Variants in GRM7 observed in about 807,000 individuals in gnomAD.
The protein encoded by GRM7 is glutamate metabotropic receptor 7.
In GRM7, 35 loss-of-function variants were observed where a neutral mutation model predicts 84.5. That is an observed-to-expected ratio of 0.41 (90% CI 0.32 to 0.55). The LOEUF (loss-of-function observed/expected upper bound fraction) is 0.55, where lower values mean the gene tolerates loss of function less well. Among genes scored for constraint, GRM7 ranks in the 20% least tolerant of loss-of-function variants. The pLI is 0.19. For synonymous variants in GRM7, 487 were observed against 455.1 expected, an observed-to-expected ratio of 1.07 and a Z score of -0.89; for missense variants, 1,003 against 1,194.6, an observed-to-expected ratio of 0.84 and a Z score of 2.36.
At chr3:7,729,064 A>G (rs1370244022) in intron 9 of GRM7, among the ~76,000 whole-genome samples, 3 of 134,166 alleles carry the variant, frequency 2.2e-5, no homozygotes, top group Admixed American at 1.5e-4. Context: ...TTTTTTCCCC[A>G]TAGTTTTGGG....
intron 9 of GRM7, among the ~76,000 whole-genome samples, chr3:7,692,572 C>A (rs1316571942): frequency 6.6e-6 from 1 of 152,112 alleles, no homozygotes; most frequent in Non-Finnish European, 1.5e-5. Flanking sequence ...TCATTTGCAA[C>A]AATTTAATAA....
intron 2 of GRM7, among the ~76,000 whole-genome samples, chr3:7,291,310 G>A (rs1465199795): frequency 1.3e-5 from 2 of 152,116 alleles, no homozygotes; most frequent in African/African-American, 2.4e-5. Flanking sequence ...GTAGGTGGGT[G>A]CTAACAGTAT....
At chr3:7,072,698 TAAAAA>T (rs984401551) in intron 1 of GRM7, among the ~76,000 whole-genome samples, 1 of 151,656 alleles carries the variant, frequency 6.6e-6, no homozygotes, top group East Asian at 1.9e-4. Flanking sequence ...AAAAAATAAT[TAAAAA>T]AAATAAGATA....
intron 2 of GRM7, among the ~76,000 whole-genome samples, chr3:7,258,087 A>C (rs1212259856): frequency 3.3e-5 from 5 of 152,172 alleles, no homozygotes; most frequent in African/African-American, 1.2e-4. Context: ...GGCCCAGAGA[A>C]GTACAGTAGC....
chr3:7,680,150 C>T lies in GRM7; in HGVS notation c.2553C>T (p.His851=), dbSNP rs748807964. The part of the protein sequence containing the change: ...YMPKVYIIIF[H]PELNVQKRKR... ...CGAAAGTGTACATCATCATTTTCCA[C>T]CCTGAACTCAATGTCCAGAAACGGA... is the stretch of plus-strand genomic sequence containing the variant. Residue 851 remains histidine (H), a synonymous_variant, in exon 9 of 10, where the codon CAC becomes CAT. Coordinates refer to ENST00000357716, the MANE Select transcript of GRM7 (RefSeq NM_000844.4). 1.2e-4 allele frequency: 190 copies of T among 1,614,044 alleles called. No homozygotes were observed. Among genetic ancestry groups the T allele is most frequent in the Non-Finnish European group, 1.5e-4 (178 of 1,180,020 alleles).
At chr3:7,203,782 T>C (rs186067842) in intron 2 of GRM7, among the ~76,000 whole-genome samples, 1 of 152,326 alleles carries the variant, frequency 6.6e-6, no homozygotes, top group South Asian at 2.1e-4. Flanking sequence ...GAACATCTTA[T>C]GCTATATAAA....
Position 6,862,948 on chromosome 3 carries a change from T to G in GRM7, c.519+1041T>G, listed in dbSNP as rs1465724084. ...TGAGCGGTGGGTTCTGCCGCAGTGT[T>G]CTCTCGCCTCCTGCTCCAGCAGCCT... On this transcript the variant is annotated intron_variant, in intron 1 of 9. Coordinates refer to ENST00000357716, the MANE Select transcript of GRM7 (RefSeq NM_000844.4). This position sits in a 1 kb window ranked among gnomAD's most constrained non-coding sequence, Gnocchi z 5.2. 26 of 454,950 alleles carry G rather than the reference T, an allele frequency of 5.7e-5. No individual in the cohort carries two copies. Among genetic ancestry groups the G allele is most frequent in the Non-Finnish European group, 4.4e-6 (1 of 226,310 alleles). The allele number at this position is 454,950 out of a possible 1,614,324, so 28.2% of individuals were successfully genotyped here. A position where few individuals can be genotyped will look rare whatever the true frequency, so the allele number is the denominator to read the frequency against.
At chr3:7,088,561 G>A (rs1441840701) in intron 1 of GRM7, among the ~76,000 whole-genome samples, 2 of 149,850 alleles carry the variant, frequency 1.3e-5, no homozygotes, top group East Asian at 3.9e-4. Flanking sequence ...TAAATGCGTG[G>A]CCTCAGGAAA....
intron 2 of GRM7, among the ~76,000 whole-genome samples, chr3:7,169,879 C>CA (rs1225107768): frequency 6.6e-6 from 1 of 152,128 alleles, no homozygotes; most frequent in Non-Finnish European, 1.5e-5. Context: ...TGTAGGGAGA[C>CA]AAACATTTTT....
chr3:7,713,537 A>T (rs78624550), intron 9 of GRM7, among the ~76,000 whole-genome samples: 3,558 of 152,194 alleles, frequency 0.023, 143 homozygotes, highest in African/African-American at 0.081. Context: ...TAGAGCAGAT[A>T]TGAGTGTAAA....
chr3:7,199,141 T>C (rs140020497), intron 2 of GRM7, among the ~76,000 whole-genome samples: 2 of 152,294 alleles, frequency 1.3e-5, no homozygotes, highest in East Asian at 3.9e-4. Flanking sequence ...CTTTGATTCA[T>C]AGAAGGTTGT....
chr3:7,616,109 C>T (rs1275557050), intron 8 of GRM7, among the ~76,000 whole-genome samples: 1 of 151,978 alleles, frequency 6.6e-6, no homozygotes, highest in Non-Finnish European at 1.5e-5. Context: ...TTCAATAATG[C>T]TCTATTTAGA....
intron 1 of GRM7, among the ~76,000 whole-genome samples, chr3:7,005,889 C>T (rs749704099): frequency 5.9e-5 from 9 of 152,134 alleles, no homozygotes; most frequent in Non-Finnish European, 1.2e-4. Flanking sequence ...CAACAAAAGG[C>T]TCAGTGTTGA....
At chr3:7,572,023 C>T (rs926604360) in intron 7 of GRM7, among the ~76,000 whole-genome samples, 4 of 152,094 alleles carry the variant, frequency 2.6e-5, no homozygotes, top group Admixed American at 2.0e-4. Flanking sequence ...CAGGAAAGCC[C>T]ACCCCCCATA....
intron 1 of GRM7, among the ~76,000 whole-genome samples, chr3:7,079,356 C>T (rs1339499252): frequency 2.0e-5 from 3 of 151,924 alleles, no homozygotes; most frequent in Non-Finnish European, 2.9e-5. Flanking sequence ...TGAGGACAGA[C>T]AATAAAGGTC....
chr3:6,894,554 G>C (rs964874143), intron 1 of GRM7, among the ~76,000 whole-genome samples: 1 of 151,598 alleles, frequency 6.6e-6, no homozygotes, highest in African/African-American at 2.4e-5. Context: ...CATCTCTATA[G>C]GTGTATATAT....
chr3:7,470,249 C>G (rs1005458222), intron 7 of GRM7, among the ~76,000 whole-genome samples: 2 of 152,162 alleles, frequency 1.3e-5, no homozygotes, highest in African/African-American at 2.4e-5. Context: ...TATTGATAGT[C>G]TCTGGAAATT....
rs758208836 is a variant in GRM7 at position 7,680,264 on chromosome 3, G to C, written c.2667G>C (p.Lys889Asn). Reference protein sequence around the residue: ...KPSDRPNGEAKTELCENVDPN... With the variant: ...KPSDRPNGEANTELCENVDPN... ...GTGACAGACCCAACGGTGAGGCAAA[G>C]ACCGAGCTCTGTGAAAACGTAGACC... The change falls in exon 9 of 10, where the codon AAG becomes AAC. Residue 889 changes from lysine to asparagine, a missense_variant. Coordinates refer to ENST00000357716, the MANE Select transcript of GRM7 (RefSeq NM_000844.4). 1 of 1,614,174 alleles carries C rather than the reference G, an allele frequency of 6.2e-7. No homozygotes were observed. Among genetic ancestry groups the C allele is most frequent in the Non-Finnish European group, 8.5e-7 (1 of 1,180,014 alleles).
At chr3:6,925,728 G>A (rs951623032) in intron 1 of GRM7, among the ~76,000 whole-genome samples, 2 of 152,114 alleles carry the variant, frequency 1.3e-5, no homozygotes, top group Non-Finnish European at 2.9e-5. Context: ...TAGCTGCTAT[G>A]AAGTCCTTCC....
Sources: allele counts gnomAD v4.1 joint callset (sites outside exome capture counted in the v4.1 genomes callset), GRCh38; gene constraint gnomAD v4.1.1; non-coding constraint Gnocchi (gnomAD v3.1); transcripts MANE v1.5; gene names NCBI Gene and HGNC (gene_info 2026-07-23, HGNC 2026-07-21).